Variants in LIPA observed in about 807,000 individuals in gnomAD.
LIPA encodes the protein lysosomal acid lipase/cholesteryl ester hydrolase.
Under a neutral mutation model 40.6 loss-of-function variants are expected in LIPA, and 26 were observed. The observed-to-expected ratio is 0.64, with a 90% CI of 0.47 to 0.89. The LOEUF is 0.89. Ranked by LOEUF, LIPA falls within the 40% of genes least tolerant of loss-of-function variation. The pLI, the probability that LIPA is intolerant of heterozygous loss-of-function variation, is 0.00. For synonymous variants in LIPA, 188 were observed against 168.4 expected (o/e 1.12, Z -0.90); for missense variants, 455 against 479.6 (o/e 0.95, Z 0.48).
At chr10:89,228,946 A>C (rs1264092669) in intron 3 of LIPA, among the ~76,000 whole-genome samples, 1 of 152,264 alleles carries the variant, frequency 6.6e-6, no homozygotes, top group African/African-American at 2.4e-5. Flanking sequence ...AAAGTTTGGC[A>C]GTTTCTTACA....
At chr10:89,315,552 T>C (rs1476563063) in intron 1 of LIPA, among the ~76,000 whole-genome samples, 2 of 150,290 alleles carry the variant, frequency 1.3e-5, no homozygotes, top group East Asian at 4.0e-4. Context: ...TATGAATATT[T>C]ACATCATGGT....
intron 2 of LIPA, among the ~76,000 whole-genome samples, chr10:89,387,900 C>T (rs1844221378): frequency 6.6e-6 from 1 of 151,840 alleles, no homozygotes; most frequent in African/African-American, 2.4e-5. Context: ...TCTGCTTGAC[C>T]ATGTATAATA....
At chr10:89,314,458 T>G (rs990316411) in intron 1 of LIPA, 1 of 152,266 alleles carries the variant, frequency 6.6e-6, no homozygotes, top group Non-Finnish European at 1.5e-5. Context: ...TCACGAGGTT[T>G]AGAGATCGAG....
chr10:89,344,540 A>G (rs1201638358), upstream of LIPA, among the ~76,000 whole-genome samples: 2 of 152,032 alleles, frequency 1.3e-5, no homozygotes, highest in Non-Finnish European at 2.9e-5. Context: ...AAAAAAAGTC[A>G]TTGATAATTT....
At chr10:89,327,861 C>T (rs1843614315) in intron 1 of LIPA, 1 of 535,700 alleles carries the variant, frequency 1.9e-6, no homozygotes, top group South Asian at 2.5e-5. Flanking sequence ...CTCCTCCCAA[C>T]GATTTTAAAT....
At chr10:89,266,123 T>C (rs1843234683) in intron 1 of LIPA, among the ~76,000 whole-genome samples, 1 of 152,246 alleles carries the variant, frequency 6.6e-6, no homozygotes, top group African/African-American at 2.4e-5. Context: ...AACTTTTTAA[T>C]CAAAACACAG....
chr10:89,306,957 T>A (rs1280809087), intron 1 of LIPA: 1 of 1,613,954 alleles, frequency 6.2e-7, no homozygotes, highest in South Asian at 1.1e-5. Context: ...GATAATCTCT[T>A]CCGTGTCTGT....
chr10:89,362,815 TG>T, intron 2 of LIPA: 1 of 440,490 alleles, frequency 2.3e-6, no homozygotes. Flanking sequence ...GCTCTAGAGG[TG>T]GGCCCTGAAA....
At chr10:89,403,570 G>C in intron 2 of LIPA, 1 of 1,614,080 alleles carries the variant, frequency 6.2e-7, no homozygotes, top group Non-Finnish European at 8.5e-7. Context: ...AAACTTCGGA[G>C]AAAGGCATTA....
chr10:89,349,023 T>C (rs892336009), intron 2 of LIPA, among the ~76,000 whole-genome samples: 2 of 152,178 alleles, frequency 1.3e-5, no homozygotes, highest in African/African-American at 4.8e-5. Flanking sequence ...CTCCAAAATA[T>C]ATCACTTTGG....
chr10:89,376,136 A>G (rs2133599735), intron 2 of LIPA, among the ~76,000 whole-genome samples: 1 of 148,842 alleles, frequency 6.7e-6, no homozygotes, highest in Non-Finnish European at 1.5e-5. Context: ...TGCAGTGAGC[A>G]GAGATAGTGC....
At chr10:89,250,086 TC>T (rs1843093648) in intron 1 of LIPA, among the ~76,000 whole-genome samples, 5 of 122,060 alleles carry the variant, frequency 4.1e-5, no homozygotes, top group Admixed American at 8.5e-5. Context: ...TTTTTCTTTT[TC>T]TTTTTCTTTT....
At chr10:89,393,389 A>G (rs2133613432) in intron 2 of LIPA, 1 of 982,134 alleles carries the variant, frequency 1.0e-6, no homozygotes, top group Non-Finnish European at 1.3e-6. Flanking sequence ...GAAGATCCGT[A>G]TCTTCCTTAC....
intron 1 of LIPA, among the ~76,000 whole-genome samples, chr10:89,321,336 A>G (rs1294314187): frequency 2.0e-5 from 3 of 152,246 alleles, no homozygotes; most frequent in Non-Finnish European, 4.4e-5. Flanking sequence ...AAGGACTAAT[A>G]TCCAGAATCT....
chr10:89,401,728 ATC>A (rs1164908788), intron 2 of LIPA, among the ~76,000 whole-genome samples: 1 of 151,686 alleles, frequency 6.6e-6, no homozygotes, highest in Admixed American at 6.6e-5. Context: ...GATACACTGG[ATC>A]TCTGTACTGT....
chr10:89,237,676 A>G (rs1842921661), intron 3 of LIPA, among the ~76,000 whole-genome samples: 1 of 152,224 alleles, frequency 6.6e-6, no homozygotes, highest in Admixed American at 6.5e-5. Context: ...TACAATAAGA[A>G]GGACTGGACA....
chr10:89,248,448 A>AT lies in LIPA; in HGVS notation c.-1-800dup, dbSNP rs879487966. On this transcript the variant is annotated intron_variant, in intron 1 of 9. Coordinates refer to ENST00000336233, the MANE Select transcript of LIPA (RefSeq NM_000235.4). ...TTATTATTATTATTATTTTATATTT[A>AT]TTTATTTATTTATTTATTTATTTAT... Among the ~76,000 whole-genome samples the AT allele has an allele frequency of 2.9e-4, 20 of 68,218 alleles. 1 individual carries two copies. The East Asian group carries it at 5.7e-3, about 20-fold the overall frequency. The allele number at this position is 68,218 out of a possible 152,430, so 44.8% of individuals were successfully genotyped here.
At chr10:89,366,463 G>C (rs1458774695) in intron 2 of LIPA, among the ~76,000 whole-genome samples, 1 of 151,880 alleles carries the variant, frequency 6.6e-6, no homozygotes, top group East Asian at 1.9e-4. Flanking sequence ...TGATTGCCCT[G>C]GCCAGAACTT....
chr10:89,363,951 G>T (rs1844041111), intron 2 of LIPA, among the ~76,000 whole-genome samples: 2 of 152,174 alleles, frequency 1.3e-5, no homozygotes, highest in Admixed American at 1.3e-4. Flanking sequence ...ATTGAAAGGG[G>T]AAAAGAAAGT....
Sources: gnomAD v4.1 joint callset for allele counts (sites outside exome capture counted in the v4.1 genomes callset) on GRCh38, gnomAD v4.1.1 for gene constraint, MANE v1.5 for transcripts, NCBI Gene and HGNC (gene_info 2026-07-23, HGNC 2026-07-21) for gene names.